The following NRG1 variants were observed in gnomAD, a reference collection of about 807,000 sequenced individuals.
The protein encoded by NRG1 is pro-neuregulin-1, membrane-bound isoform.
A neutral mutation model predicts 63.8 loss-of-function variants in NRG1; 18 were observed. The ratio of observed to expected loss-of-function variants is 0.28; its 90% CI spans 0.19 to 0.42. The LOEUF (loss-of-function observed/expected upper bound fraction) is 0.42, where lower values mean the gene tolerates loss of function less well. Ranked by LOEUF, NRG1 falls within the 10% of genes least tolerant of loss-of-function variation. The probability of loss-of-function intolerance (pLI) is 1.00; values close to 1 mark genes in which losing one functional copy is unlikely to be tolerated. For missense variants in NRG1, 762 were observed against 814.7 expected (o/e 0.94, Z 0.79); for synonymous variants, 302 against 301.3 (o/e 1.00, Z -0.02).
At chr8:32,711,549 T>TA (rs963831417) in intron 5 of NRG1, among the ~76,000 whole-genome samples, 42 of 152,146 alleles carry the variant, frequency 2.8e-4, no homozygotes, top group Admixed American at 2.0e-3. Flanking sequence ...AAGATTGCTG[T>TA]AAAAAATCAT....
intron 2 of NRG1, among the ~76,000 whole-genome samples, chr8:32,605,013 A>G (rs1845028404): frequency 1.3e-5 from 2 of 152,214 alleles, no homozygotes; most frequent in South Asian, 4.1e-4. Context: ...TTAAGGAAAG[A>G]AAAATTCCCT....
At chr8:32,557,841 A>G (rs1456278378) in intron 1 of NRG1, among the ~76,000 whole-genome samples, 2 of 152,232 alleles carry the variant, frequency 1.3e-5, no homozygotes, top group Non-Finnish European at 2.9e-5. Context: ...ATGATTTTCC[A>G]TATATTAAAT....
At chr8:32,638,736 T>C (rs1162934592) in intron 5 of NRG1, among the ~76,000 whole-genome samples, 1 of 152,230 alleles carries the variant, frequency 6.6e-6, no homozygotes, top group Non-Finnish European at 1.5e-5. Flanking sequence ...TTTTATCTTA[T>C]AACTTTCAAA....
chr8:31,799,614 TCTAA>T (rs1301735570), intron 1 of NRG1, among the ~76,000 whole-genome samples: 6 of 152,192 alleles, frequency 3.9e-5, no homozygotes, highest in African/African-American at 1.2e-4. Context: ...AATTTTGCAT[TCTAA>T]CTTTCTATTT....
At chr8:31,680,110 T>C (rs1337254091) in intron 1 of NRG1, among the ~76,000 whole-genome samples, 5 of 152,104 alleles carry the variant, frequency 3.3e-5, no homozygotes, top group African/African-American at 9.7e-5. Context: ...ACAAAAGATA[T>C]GATTCTCCTA....
chr8:32,031,715 G>A (rs995408408), intron 1 of NRG1, among the ~76,000 whole-genome samples: 2 of 152,046 alleles, frequency 1.3e-5, no homozygotes, highest in East Asian at 3.9e-4. Context: ...TGTGGTATTT[G>A]GTTTTCTGTT....
At chr8:32,434,551 G>A (rs1383234929) in intron 1 of NRG1, among the ~76,000 whole-genome samples, 1 of 152,088 alleles carries the variant, frequency 6.6e-6, no homozygotes, top group Non-Finnish European at 1.5e-5. Flanking sequence ...CCACCACTGG[G>A]AGTTACAGCC....
At chr8:32,316,711 G>A (rs1386937754) in intron 1 of NRG1, among the ~76,000 whole-genome samples, 2 of 151,938 alleles carry the variant, frequency 1.3e-5, no homozygotes, top group Non-Finnish European at 1.5e-5. Flanking sequence ...TTGATCCTCG[G>A]TGTGAAACTT....
chr8:32,702,403 C>G (rs959071635), intron 5 of NRG1, among the ~76,000 whole-genome samples: 1 of 152,224 alleles, frequency 6.6e-6, no homozygotes, highest in Non-Finnish European at 1.5e-5. Context: ...AAATAAACAG[C>G]AACCCATGTT....
In NRG1 at chr8:32,728,558, G is replaced by A. The variant is rs868130604; in HGVS notation, c.632+480G>A. Reference sequence around the variant, plus strand: ...TACTGACATATATCTATTACACTTGGGATTGTCTTACTGTTGCATAACTAT... The same window carrying A: ...TACTGACATATATCTATTACACTTGAGATTGTCTTACTGTTGCATAACTAT... On this transcript the variant is annotated intron_variant, in intron 6 of 11. Coordinates refer to ENST00000356819, the Ensembl canonical transcript of NRG1. 5.1e-6 allele frequency: 5 copies of A among 984,974 alleles called. No homozygotes were observed. In the African/African-American group the frequency reaches 7.0e-5, roughly 14 times the overall value. The allele number at this position is 984,974 out of a possible 1,614,324, so 61.0% of individuals were successfully genotyped here. A position where few individuals can be genotyped will look rare whatever the true frequency, so the allele number is the denominator to read the frequency against.
At chr8:31,882,583 A>G (rs1830436916) in intron 1 of NRG1, among the ~76,000 whole-genome samples, 1 of 152,110 alleles carries the variant, frequency 6.6e-6, no homozygotes, top group African/African-American at 2.4e-5. Flanking sequence ...GTATGTGGAC[A>G]AAGTTCATTG....
chr8:32,604,263 A>G (rs1049011007), intron 2 of NRG1, among the ~76,000 whole-genome samples: 2 of 152,178 alleles, frequency 1.3e-5, no homozygotes, highest in African/African-American at 4.8e-5. Context: ...AAAATGACAC[A>G]GACAAAAGCA....
intron 1 of NRG1, among the ~76,000 whole-genome samples, chr8:32,420,150 A>T (rs1286143462): frequency 6.6e-6 from 1 of 152,110 alleles, no homozygotes; most frequent in Non-Finnish European, 1.5e-5. Context: ...GCGTATGACA[A>T]GGACTTTCAG....
At chr8:32,683,416 A>C (rs545270134) in intron 5 of NRG1, among the ~76,000 whole-genome samples, 1 of 152,324 alleles carries the variant, frequency 6.6e-6, no homozygotes, top group Non-Finnish European at 1.5e-5. Flanking sequence ...ATTGGCATCA[A>C]CTACTTCACA....
intron 3 of NRG1, among the ~76,000 whole-genome samples, chr8:32,609,569 T>A (rs1294434542): frequency 9.1e-6 from 1 of 109,718 alleles, no homozygotes; most frequent in Non-Finnish European, 1.8e-5. Context: ...CTTCCTTCCT[T>A]CCTTCCTTCC....
At chr8:32,627,920 A>C (rs1262099625) in intron 5 of NRG1, among the ~76,000 whole-genome samples, 1 of 152,244 alleles carries the variant, frequency 6.6e-6, no homozygotes, top group Non-Finnish European at 1.5e-5. Context: ...GTATATTAAA[A>C]AATAAAATTC....
At position 32,316,870 on chromosome 8, in the gene NRG1, G is replaced by A. The variant is rs1161976611; in HGVS notation, c.38-278958G>A. Among the ~76,000 whole-genome samples, 5 of 152,160 alleles carry A rather than the reference G, an allele frequency of 3.3e-5. No homozygotes were observed. In the East Asian group the frequency reaches 9.6e-4, roughly 29 times the overall value. ...TAAATGAATTAGTGTAATCAGCTGA[G>A]ATAGTACTTGAAAGGGACCGTGTAG... On this transcript the variant is annotated intron_variant, in intron 1 of 10. Coordinates refer to the NRG1 transcript ENST00000519301.
At chr8:32,101,478 AT>A (rs35098830) in intron 1 of NRG1, among the ~76,000 whole-genome samples, 42,227 of 139,732 alleles carry the variant, frequency 0.3, 6,762 homozygotes, top group East Asian at 0.5. Context: ...TAGAAAGCAG[AT>A]TTTTTTTTTT....
intron 2 of NRG1, among the ~76,000 whole-genome samples, chr8:32,600,129 C>G (rs1409364627): frequency 6.6e-6 from 1 of 152,042 alleles, no homozygotes; most frequent in South Asian, 2.1e-4. Flanking sequence ...GCTTAAGAAG[C>G]CTCTCTTTTA....
Sources: gnomAD v4.1 joint callset for allele counts (sites outside exome capture counted in the v4.1 genomes callset) on GRCh38, gnomAD v4.1.1 for gene constraint, MANE v1.5 for transcripts, NCBI Gene and HGNC (gene_info 2026-07-23, HGNC 2026-07-21) for gene names.